TACC2: variants seen among roughly 807,000 people sequenced by gnomAD.
The protein encoded by TACC2 is transforming acidic coiled-coil containing protein 2.
Under a neutral mutation model 227.3 loss-of-function variants are expected in TACC2, and 137 were observed. That is an observed-to-expected ratio of 0.60 (90% CI 0.52 to 0.69). TACC2 has a LOEUF of 0.69. Among genes scored for constraint, TACC2 ranks in the 30% least tolerant of loss-of-function variants. TACC2 has a pLI of 0.00. For missense variants in TACC2, 3,470 were observed against 3,694.4 expected, an observed-to-expected ratio of 0.94 and a Z score of 1.57; for synonymous variants, 1,523 against 1,487.5, an observed-to-expected ratio of 1.02 and a Z score of -0.55.
At chr10:122,101,723 C>CTTTTTTTTTTT (rs1179126977) in intron 5 of TACC2, among the ~76,000 whole-genome samples, 462 of 55,746 alleles carry the variant, frequency 8.3e-3, no homozygotes, top group South Asian at 9.9e-3. Context: ...CCATGCCCAG[C>CTTTTTTTTTTT]TTTTTTTTTT....
chr10:122,225,189 T>C (rs1450000807), intron 12 of TACC2, among the ~76,000 whole-genome samples: 1 of 152,228 alleles, frequency 6.6e-6, no homozygotes, highest in Non-Finnish European at 1.5e-5. Flanking sequence ...TTTTTCATTT[T>C]AAGAGGTTAT....
In TACC2 at chr10:122,050,597, G is replaced by A. The variant is rs369646247; in HGVS notation, c.146+47G>A. 146 of 1,433,398 alleles carry A rather than the reference G, an allele frequency of 1.0e-4. No homozygotes were observed. The highest frequency in any genetic ancestry group is 1.0e-4 in the Non-Finnish European group (104 of 1,021,326). The allele number at this position is 1,433,398 out of a possible 1,614,324, so 88.8% of individuals were successfully genotyped here. On this transcript the variant is annotated intron_variant, in intron 3 of 22. Coordinates refer to ENST00000369005, the MANE Select transcript of TACC2 (RefSeq NM_206862.4). This position sits in a 1 kb window ranked among gnomAD's most constrained non-coding sequence, Gnocchi z 4.6. ...ACTGATGCAGCCCAAGGACTGCCCC[G>A]CTCATTGCCTGCTCCAGCATTAGCT...
intron 1 of TACC2, among the ~76,000 whole-genome samples, chr10:121,989,993 C>A (rs1195023046): frequency 6.6e-6 from 1 of 152,130 alleles, no homozygotes; most frequent in African/African-American, 2.4e-5. Flanking sequence ...TCTGCATCTC[C>A]CGTCACTTAG....
chr10:122,250,160 T>C lies in TACC2; in HGVS notation c.8781+496T>C, dbSNP rs142753649. ...AGCTTGTGCGCAGGTTTCCTCCTTT[T>C]GGATCTGGCACCCCTCCATCCACTG... On this transcript the variant is annotated intron_variant, in intron 22 of 22. Coordinates refer to ENST00000369005, the MANE Select transcript of TACC2 (RefSeq NM_206862.4). Among the ~76,000 whole-genome samples, 79 of 152,316 alleles carry C rather than the reference T, an allele frequency of 5.2e-4. 1 individual carries two copies. The East Asian group carries it at 0.012, about 24-fold the overall frequency.
In TACC2 at chr10:122,210,456, A is replaced by G. The variant is rs1262320291; in HGVS notation, c.6031A>G (p.Ser2011Gly). ...CCCACGGAGCGACTCGGTGGAAGGA[A>G]GTCCCTTCCGTCCCCCGTCACACTC... The part of the protein sequence containing the change: ...DGPRSDSVEG[S>G]PFRPPSHSFS... Residue 2011 changes from serine to glycine, a missense_variant, in exon 9 of 23, where the codon AGT (serine) becomes GGT (glycine). Ser to Gly is a moderately conservative substitution (Grantham distance 56, BLOSUM62 0). This residue lies in a region of TACC2 where 593 missense variants were observed against 636.6 expected (regional missense o/e 0.93). Transcript: ENST00000369005. The surrounding 1 kb of genome is among the most constrained non-coding windows in gnomAD (Gnocchi z 4.6). 1.9e-6 allele frequency: 3 copies of G among 1,613,970 alleles called. No homozygotes were observed. The highest frequency in any genetic ancestry group is 1.7e-6 in the Non-Finnish European group (2 of 1,180,028).
intron 5 of TACC2, among the ~76,000 whole-genome samples, chr10:122,121,811 C>T (rs1239053406): frequency 6.6e-6 from 1 of 152,142 alleles, no homozygotes; most frequent in Non-Finnish European, 1.5e-5. Context: ...TGTTGGTGGT[C>T]ACGATTCCCC....
chr10:122,028,556 A>T (rs568109113), intron 2 of TACC2, among the ~76,000 whole-genome samples: 2 of 152,100 alleles, frequency 1.3e-5, no homozygotes, highest in African/African-American at 4.8e-5. Context: ...TGATTTTTGC[A>T]TGCTGATTTT....
intron 7 of TACC2, among the ~76,000 whole-genome samples, chr10:122,179,652 AC>A (rs1443650334): frequency 6.7e-6 from 1 of 149,010 alleles, no homozygotes; most frequent in Non-Finnish European, 1.5e-5. Context: ...TCTAAAAACA[AC>A]TCAGGGGCCA....
intron 5 of TACC2, among the ~76,000 whole-genome samples, chr10:122,090,485 T>C (rs2080650320): frequency 6.9e-6 from 1 of 144,238 alleles, no homozygotes; most frequent in Non-Finnish European, 1.5e-5. Context: ...AGGTGGAGCT[T>C]GCAGTGAGCC....
At chr10:122,063,462 C>G (rs2077055926) in intron 3 of TACC2, among the ~76,000 whole-genome samples, 1 of 152,174 alleles carries the variant, frequency 6.6e-6, no homozygotes, top group Non-Finnish European at 1.5e-5. Context: ...TTGACGCTGG[C>G]TGAAAAGGAA....
rs539493755 is a variant in TACC2, at chr10:121,994,898, G to A, written c.-46+5410G>A. On this transcript the variant is annotated intron_variant, in intron 1 of 22. Coordinates refer to ENST00000369005, the MANE Select transcript of TACC2 (RefSeq NM_206862.4). ...AAATGAACTGTACTTTTTCTAATAC[G>A]TCACTGGTTACTTTTGATAGACTAT... Among the ~76,000 whole-genome samples the A allele has an allele frequency of 3.9e-5, 6 of 152,208 alleles. No homozygotes were observed. The South Asian group carries it at 6.2e-4, about 16-fold the overall frequency.
chr10:122,025,819 C>T (rs193217957), intron 2 of TACC2, among the ~76,000 whole-genome samples: 4,823 of 151,248 alleles, frequency 0.032, 112 homozygotes, highest in Non-Finnish European at 0.047. Flanking sequence ...CGTGATCCAC[C>T]CGCCTCGGCT....
In TACC2 at chr10:122,203,650, A is replaced by C. The variant is rs1262556509; in HGVS notation, c.5972-6747A>C. Among the ~76,000 whole-genome samples the C allele has an allele frequency of 1.8e-3, 261 of 141,954 alleles. No homozygotes were observed. The Middle Eastern group carries it at 0.021, about 11-fold the overall frequency. The allele number at this position is 141,954 out of a possible 152,430, so 93.1% of individuals were successfully genotyped here. On this transcript the variant is annotated intron_variant, in intron 8 of 22. Transcript: ENST00000369005. ...CTTCCCAGATGGGATGGCGGCCGGG[A>C]AGAGACGCTCCTCACTTTCCAGACT...
chr10:122,108,915 A>T (rs542545187), intron 5 of TACC2, among the ~76,000 whole-genome samples: 1 of 151,576 alleles, frequency 6.6e-6, no homozygotes, highest in Non-Finnish European at 1.5e-5. Context: ...TTGTATTTTT[A>T]GTAGAGATGG....
At chr10:122,124,972 C>T (rs2086559986) in intron 5 of TACC2, among the ~76,000 whole-genome samples, 1 of 151,784 alleles carries the variant, frequency 6.6e-6, no homozygotes, top group African/African-American at 2.4e-5. Context: ...CCTCCCAGCC[C>T]CCCAGTGTGC....
chr10:122,085,170 T>C lies in TACC2; in HGVS notation c.2670T>C (p.His890=). Residue 890 remains histidine, a synonymous_variant, in exon 4 of 23, where the codon CAT becomes CAC. Transcript: ENST00000369005. The part of the protein sequence containing the change: ...EPQEDNNLPT[H]GGQEQALGSE... The stretch of plus-strand genomic sequence containing the variant: ...AGGAAGATAACAACTTGCCCACTCA[T>C]GGAGGACAGGAGCAGGCTTTGGGAT... The C allele has an allele frequency of 6.2e-7, 1 of 1,614,128 alleles. No individual in the cohort carries two copies. Among genetic ancestry groups the C allele is most frequent in the Non-Finnish European group, 8.5e-7 (1 of 1,180,036 alleles).
At chr10:122,130,554 A>C (rs753378783) in intron 5 of TACC2, among the ~76,000 whole-genome samples, 3 of 152,058 alleles carry the variant, frequency 2.0e-5, no homozygotes, top group African/African-American at 7.2e-5. Context: ...AAGTGTTGGG[A>C]TTACAGGCAT....
Position 122,101,551 on chromosome 10 carries a change from C to CT in TACC2, c.5573+12986dup, listed in dbSNP as rs34331470. 4.8e-3 allele frequency among the ~76,000 whole-genome samples: 227 copies of CT among 47,172 alleles called. 5 individuals carry two copies. The highest frequency in any genetic ancestry group is 0.013 in the African/African-American group (208 of 16,152). The allele number at this position is 47,172 out of a possible 152,430, so 30.9% of individuals were successfully genotyped here. On this transcript the variant is annotated intron_variant, in intron 5 of 22. Transcript: ENST00000369005. ...CCTGGGCAACATGGCAAAACCCCAT[C>CT]TTTTTTTTTTTTTTTTTTTTTTTTT...
At chr10:122,132,041 A>AAAGGAAGGAAGGAAGGAAGGAAGG (rs1565389662) in intron 5 of TACC2, among the ~76,000 whole-genome samples, 2 of 1,452 alleles carry the variant, frequency 1.4e-3, no homozygotes, top group African/African-American at 1.7e-3. Context: ...AAAAAGAAAG[A>AAAGGAAGGAAGGAAGGAAGGAAGG]AAGAAAGAAA....
Sources: allele counts gnomAD v4.1 joint callset (sites outside exome capture counted in the v4.1 genomes callset), GRCh38; gene constraint gnomAD v4.1.1; regional missense constraint gnomAD v4.1.1; non-coding constraint Gnocchi (gnomAD v3.1); transcripts MANE v1.5; gene names NCBI Gene and HGNC (gene_info 2026-07-23, HGNC 2026-07-21).